The following ACKR2 variants were observed in gnomAD, a reference collection of about 807,000 sequenced individuals.
ACKR2 encodes C-C chemokine receptor D6.
For synonymous variants in ACKR2, 207 were observed against 192.2 expected, an observed-to-expected ratio of 1.08 and a Z score of -0.64; for missense variants, 457 against 477.3, an observed-to-expected ratio of 0.96 and a Z score of 0.40.
chr3:42,856,548 C>G (rs994959164), intron 2 of ACKR2: 1 of 611,896 alleles, frequency 1.6e-6, no homozygotes, highest in Non-Finnish European at 2.9e-6. Flanking sequence ...AAGCTAACAT[C>G]CTCACTATTA....
At chr3:42,825,397 G>C (rs1700851997) in intron 2 of ACKR2, among the ~76,000 whole-genome samples, 1 of 152,092 alleles carries the variant, frequency 6.6e-6, no homozygotes, top group Non-Finnish European at 1.5e-5. Flanking sequence ...ATGTTTTACA[G>C]TTTTTAGTGT....
rs1457436549 is a variant in ACKR2 at position 42,864,585 on chromosome 3, T to C, written c.83T>C (p.Leu28Pro). 1.2e-6 allele frequency: 2 copies of C among 1,614,220 alleles called. No individual in the cohort carries two copies. Among genetic ancestry groups the C allele is most frequent in the Admixed American group, 3.3e-5 (2 of 60,026 alleles). ...ENSSFYYYDY[L>P]DEVAFMLCRK... ...AGCAGCTTCTATTACTATGACTACC[T>C]GGATGAAGTGGCCTTCATGCTCTGC... Residue 28 changes from leucine to proline, a missense_variant, in exon 3 of 3, where the codon CTG becomes CCG. Physicochemically the swap from Leu to Pro is moderately conservative, Grantham distance 98 (BLOSUM62 -3). Coordinates refer to ENST00000422265, the MANE Select transcript of ACKR2 (RefSeq NM_001296.5).
intron 2 of ACKR2, among the ~76,000 whole-genome samples, chr3:42,857,353 TTGG>T (rs2088331800): frequency 6.6e-6 from 1 of 152,096 alleles, no homozygotes; most frequent in Non-Finnish European, 1.5e-5. Flanking sequence ...GACTGAGTAG[TTGG>T]TGGAGTCATT....
At chr3:42,816,188 T>TTG (rs1700747240) in intron 1 of ACKR2, among the ~76,000 whole-genome samples, 2 of 99,786 alleles carry the variant, frequency 2.0e-5, no homozygotes, top group East Asian at 4.1e-4. Flanking sequence ...ATTGATAGTT[T>TTG]CGTGTGTGTG....
chr3:42,866,557 C>T lies in ACKR2; in HGVS notation c.*900C>T, dbSNP rs896770030. 6.0e-6 allele frequency: 1 copy of T among 167,002 alleles called. No individual in the cohort carries two copies. Among genetic ancestry groups the T allele is most frequent in the African/African-American group, 2.4e-5 (1 of 41,398 alleles). The allele number at this position is 167,002 out of a possible 1,614,324, so 10.3% of individuals were successfully genotyped here. The stretch of plus-strand genomic sequence containing the variant: ...TTGCTGTAATAGTTTTCCAACTGGC[C>T]CCTGTCCTTCCTCTCTCTTGCTCTC... On this transcript the variant is annotated 3_prime_UTR_variant, in exon 3 of 3. Coordinates refer to ENST00000422265, the MANE Select transcript of ACKR2 (RefSeq NM_001296.5).
intron 2 of ACKR2, chr3:42,851,491 T>C: frequency 1.1e-6 from 1 of 949,574 alleles, no homozygotes; most frequent in South Asian, 4.9e-5. Flanking sequence ...GGGGTGGGGG[T>C]GAGACTTCCC....
intron 2 of ACKR2, among the ~76,000 whole-genome samples, chr3:42,826,973 AC>A: frequency 6.6e-6 from 1 of 152,014 alleles, no homozygotes; most frequent in Non-Finnish European, 1.5e-5. Context: ...TTCTTCTTTG[AC>A]CCATTGGTTA....
intron 1 of ACKR2, among the ~76,000 whole-genome samples, chr3:42,812,524 C>T (rs904893240): frequency 6.6e-6 from 1 of 152,058 alleles, no homozygotes; most frequent in Admixed American, 6.6e-5. Context: ...AGATGACACA[C>T]TTACAGGCAG....
rs761336289 is a variant in ACKR2 at position 42,864,974 on chromosome 3, C to T, written c.472C>T (p.Arg158Trp). The change falls in exon 3 of 3, where the codon CGG becomes TGG. Residue 158 changes from arginine (R) to tryptophan (W), a missense_variant. Arg to Trp is a moderately radical substitution (Grantham distance 101). Coordinates refer to ENST00000422265, the MANE Select transcript of ACKR2 (RefSeq NM_001296.5). Reference protein sequence around the residue: ...HAQPYHRLRTRAKSLLLATIV... With the variant: ...HAQPYHRLRTWAKSLLLATIV... ...TCAGCCCTACCACAGGCTGAGGACC[C>T]GGGCCAAGAGCCTGCTCCTTGCTAC... The T allele has an allele frequency of 1.1e-5, 18 of 1,613,980 alleles. No individual in the cohort carries two copies. In the East Asian group the frequency reaches 3.1e-4, roughly 28 times the overall value.
chr3:42,835,053 T>C (rs1700973333), intron 2 of ACKR2, among the ~76,000 whole-genome samples: 1 of 151,830 alleles, frequency 6.6e-6, no homozygotes, highest in Non-Finnish European at 1.5e-5. Context: ...CCTTGGCTAA[T>C]TTTTGCACTT....
At chr3:42,842,049 G>C (rs1424782688) in intron 2 of ACKR2, among the ~76,000 whole-genome samples, 1 of 152,190 alleles carries the variant, frequency 6.6e-6, no homozygotes, top group Non-Finnish European at 1.5e-5. Context: ...TCATAGGGTT[G>C]GTTGGTGTGA....
intron 2 of ACKR2, among the ~76,000 whole-genome samples, chr3:42,845,302 C>T (rs1251832116): frequency 6.6e-6 from 1 of 152,196 alleles, no homozygotes; most frequent in Non-Finnish European, 1.5e-5. Flanking sequence ...TTCAAAGACC[C>T]TTCCTGAGTC....
At chr3:42,832,150 A>G (rs1700937308) in intron 2 of ACKR2, among the ~76,000 whole-genome samples, 1 of 152,254 alleles carries the variant, frequency 6.6e-6, no homozygotes, top group East Asian at 1.9e-4. Flanking sequence ...TAATACCAGA[A>G]AGCCTCCATC....
intron 2 of ACKR2, among the ~76,000 whole-genome samples, chr3:42,862,804 C>T (rs2088398195): frequency 6.6e-6 from 1 of 152,106 alleles, no homozygotes; most frequent in Admixed American, 6.6e-5. Context: ...ACTGGCTAGC[C>T]ATATGCAAAG....
intron 2 of ACKR2, among the ~76,000 whole-genome samples, chr3:42,857,982 C>T (rs2088341193): frequency 6.6e-6 from 1 of 152,248 alleles, no homozygotes. Context: ...GATTCCTCCT[C>T]TCCGGGCAGG....
At chr3:42,854,492 G>C (rs1051131009) in intron 2 of ACKR2, among the ~76,000 whole-genome samples, 9 of 152,122 alleles carry the variant, frequency 5.9e-5, no homozygotes, top group Non-Finnish European at 1.3e-4. Context: ...GGGAGTGTGG[G>C]GGGGAAGGGG....
At chr3:42,856,581 C>A in intron 2 of ACKR2, 2 of 543,428 alleles carry the variant, frequency 3.7e-6, no homozygotes, top group Non-Finnish European at 3.3e-6. Flanking sequence ...AAATGAGCAT[C>A]CCACCCATTA....
chr3:42,857,411 T>C (rs901047608), intron 2 of ACKR2, among the ~76,000 whole-genome samples: 2 of 152,100 alleles, frequency 1.3e-5, no homozygotes, highest in Admixed American at 1.3e-4. Context: ...GGTGGGGAGA[T>C]GATGAACTCA....
At chr3:42,813,579 G>GAT in intron 1 of ACKR2, among the ~76,000 whole-genome samples, 1 of 152,176 alleles carries the variant, frequency 6.6e-6, no homozygotes, top group East Asian at 1.9e-4. Flanking sequence ...ACTACTATAA[G>GAT]AGAACAGCAA....
Sources: allele counts gnomAD v4.1 joint callset (sites outside exome capture counted in the v4.1 genomes callset), GRCh38; gene constraint gnomAD v4.1.1; transcripts MANE v1.5; gene names NCBI Gene and HGNC (gene_info 2026-07-23, HGNC 2026-07-21).